CDK14: variants seen among roughly 807,000 people sequenced by gnomAD.
The protein encoded by CDK14 is cyclin dependent kinase 14.
A neutral mutation model predicts 60.7 loss-of-function variants in CDK14; 34 were observed. The ratio of observed to expected loss-of-function variants is 0.56; its 90% CI spans 0.43 to 0.75. CDK14 has a LOEUF of 0.75. CDK14 is among the 30% of genes least tolerant of loss of function. The pLI is 0.00. For synonymous variants in CDK14, 197 were observed against 203.7 expected (o/e 0.97, Z 0.28); for missense variants, 482 against 564.1 (o/e 0.85, Z 1.47).
chr7:91,007,202 C>T (rs1796002789), intron 10 of CDK14, among the ~76,000 whole-genome samples: 1 of 152,230 alleles, frequency 6.6e-6, no homozygotes, highest in African/African-American at 2.4e-5. Context: ...TACTGACTCT[C>T]CACTAGAAGC....
At chr7:90,803,496 G>C (rs1308181997) in intron 5 of CDK14, among the ~76,000 whole-genome samples, 1 of 152,196 alleles carries the variant, frequency 6.6e-6, no homozygotes, top group Non-Finnish European at 1.5e-5. Flanking sequence ...CTTGATGAAG[G>C]TGGGGTTAGT....
At chr7:91,124,588 A>T (rs1799886245) in intron 14 of CDK14, among the ~76,000 whole-genome samples, 1 of 152,042 alleles carries the variant, frequency 6.6e-6, no homozygotes, top group Admixed American at 6.6e-5. Flanking sequence ...AAATTGGTTC[A>T]TCAGCCTTTG....
At chr7:90,867,712 G>T (rs747177616) in intron 6 of CDK14, among the ~76,000 whole-genome samples, 2 of 152,068 alleles carry the variant, frequency 1.3e-5, no homozygotes, top group Non-Finnish European at 2.9e-5. Context: ...AAAAGTTTCA[G>T]TCGTAAGTTG....
At chr7:90,942,048 T>A (rs1793952177) in intron 8 of CDK14, among the ~76,000 whole-genome samples, 1 of 152,174 alleles carries the variant, frequency 6.6e-6, no homozygotes, top group Non-Finnish European at 1.5e-5. Flanking sequence ...CATTTGGGGA[T>A]GGGCAGGGCA....
At chr7:91,127,279 ACTTCTTTATT>A (rs1799979430) in intron 14 of CDK14, among the ~76,000 whole-genome samples, 1 of 152,140 alleles carries the variant, frequency 6.6e-6, no homozygotes, top group African/African-American at 2.4e-5. Flanking sequence ...AAGAAAGCAA[ACTTCTTTATT>A]CTTAACTGTG....
At chr7:91,106,221 C>A (rs1485300406) in intron 12 of CDK14, among the ~76,000 whole-genome samples, 1 of 152,082 alleles carries the variant, frequency 6.6e-6, no homozygotes. Context: ...AATTGCAGAA[C>A]TCTGAAGAGG....
intron 11 of CDK14, among the ~76,000 whole-genome samples, chr7:91,049,083 A>C (rs1297798827): frequency 6.6e-6 from 1 of 150,970 alleles, no homozygotes; most frequent in Non-Finnish European, 1.5e-5. Flanking sequence ...GGGTCTTGCT[A>C]TGTTGCCAGG....
At position 91,066,524 on chromosome 7, in the gene CDK14, T is replaced by C. The variant is rs145660866; in HGVS notation, c.1106-12908T>C. ...ACAGCAGTATAAGATACAAAAACAT[T>C]GGTGAGAAGAGAATAAGGAAAATTA... On this transcript the variant is annotated intron_variant, in intron 11 of 14. Coordinates refer to ENST00000380050, the MANE Select transcript of CDK14 (RefSeq NM_001287135.2). Among the ~76,000 whole-genome samples the C allele has an allele frequency of 3.5e-3, 530 of 152,272 alleles. 4 individuals are homozygous for C. The highest frequency in any genetic ancestry group is 6.8e-3 in the Middle Eastern group (2 of 294).
chr7:90,720,459 G>T (rs1802408396), intron 2 of CDK14, among the ~76,000 whole-genome samples: 1 of 152,166 alleles, frequency 6.6e-6, no homozygotes, highest in African/African-American at 2.4e-5. Context: ...ATTTGGCCAA[G>T]TGCCCACATC....
intron 10 of CDK14, among the ~76,000 whole-genome samples, chr7:91,030,980 C>T (rs1796744093): frequency 1.3e-5 from 2 of 152,168 alleles, no homozygotes; most frequent in Admixed American, 1.3e-4. Flanking sequence ...CTGTGATTTC[C>T]CTGGTGGGTG....
intron 10 of CDK14, among the ~76,000 whole-genome samples, chr7:91,018,057 G>T (rs142697224): frequency 2.6e-5 from 4 of 152,302 alleles, no homozygotes; most frequent in African/African-American, 9.6e-5. Context: ...TATAACTGAT[G>T]ACGTAAATGG....
At position 90,669,884 on chromosome 7, in the gene CDK14, G is replaced by T. The variant is rs547414573; in HGVS notation, c.124-56683G>T. 2.0e-5 allele frequency among the ~76,000 whole-genome samples: 3 copies of T among 152,308 alleles called. No homozygotes were observed. In the South Asian group the frequency reaches 6.2e-4, roughly 32 times the overall value. ...TGCAAGAATTGATATAGAATAGATTGACAGCACAGAGGCAGGAGTGGGTAA... is the reference window on the plus strand; with the variant it reads ...TGCAAGAATTGATATAGAATAGATTTACAGCACAGAGGCAGGAGTGGGTAA... On this transcript the variant is annotated intron_variant, in intron 2 of 14. Transcript: ENST00000380050.
At chr7:91,013,545 T>G (rs1796218193) in intron 10 of CDK14, among the ~76,000 whole-genome samples, 1 of 152,170 alleles carries the variant, frequency 6.6e-6, no homozygotes. Flanking sequence ...AATGTCACTT[T>G]GGCACTAAGA....
rs573439546 is a variant in CDK14 at position 90,860,713 on chromosome 7, C to T, written c.545-2462C>T. On this transcript the variant is annotated intron_variant, in intron 5 of 14. Transcript: ENST00000380050. ...GCTAATTTTGTATTTTTAGTAGAGGCGGGGTTTCACCATGTTGATCAGGAT... is the reference window on the plus strand; with the variant it reads ...GCTAATTTTGTATTTTTAGTAGAGGTGGGGTTTCACCATGTTGATCAGGAT... Among the ~76,000 whole-genome samples, 223 of 151,880 alleles carry T rather than the reference C, an allele frequency of 1.5e-3. 3 individuals are homozygous for T. The Middle Eastern group carries it at 0.02, about 14-fold the overall frequency.
intron 3 of CDK14, among the ~76,000 whole-genome samples, chr7:90,735,216 G>C (rs896857296): frequency 2.0e-5 from 3 of 152,166 alleles, no homozygotes; most frequent in Non-Finnish European, 4.4e-5. Flanking sequence ...CCAGATGCCA[G>C]CCAGAATTAT....
intron 4 of CDK14, among the ~76,000 whole-genome samples, chr7:90,771,637 A>G (rs1337635967): frequency 6.6e-6 from 1 of 152,218 alleles, no homozygotes; most frequent in Admixed American, 6.5e-5. Flanking sequence ...GAAGATCACC[A>G]TTCAGAAAGA....
chr7:90,626,766 C>A (rs962572600), intron 2 of CDK14, among the ~76,000 whole-genome samples: 2 of 151,990 alleles, frequency 1.3e-5, no homozygotes. Flanking sequence ...ATAGTGAAAC[C>A]TCATCTCTAC....
chr7:91,119,243 G>A (rs1407378172), intron 14 of CDK14, among the ~76,000 whole-genome samples: 2 of 152,152 alleles, frequency 1.3e-5, no homozygotes, highest in Non-Finnish European at 2.9e-5. Flanking sequence ...CACTTTGGGA[G>A]GCCGAGGCAG....
At chr7:90,994,297 T>C (rs999233324) in intron 10 of CDK14, among the ~76,000 whole-genome samples, 10 of 152,196 alleles carry the variant, frequency 6.6e-5, no homozygotes, top group African/African-American at 1.9e-4. Context: ...GTTCTTGCCA[T>C]GTGGGCTGGT....
Sources: allele counts gnomAD v4.1 joint callset (sites outside exome capture counted in the v4.1 genomes callset), GRCh38; gene constraint gnomAD v4.1.1; transcripts MANE v1.5; gene names NCBI Gene and HGNC (gene_info 2026-07-23, HGNC 2026-07-21).